Variants in NDUFAF6 observed in about 807,000 individuals in gnomAD.
NDUFAF6 encodes NADH dehydrogenase (ubiquinone) complex I, assembly factor 6.
A neutral mutation model predicts 40.8 loss-of-function variants in NDUFAF6; 45 were observed. That is an observed-to-expected ratio of 1.10 (90% CI 0.87 to 1.42). NDUFAF6 has a LOEUF of 1.42. NDUFAF6 is among the 40% of genes most tolerant of loss of function. NDUFAF6 has a pLI of 0.00. For synonymous variants in NDUFAF6, 185 were observed against 155.9 expected, an observed-to-expected ratio of 1.19 and a Z score of -1.39; for missense variants, 435 against 418.5, an observed-to-expected ratio of 1.04 and a Z score of -0.34.
intron 2 of NDUFAF6, among the ~76,000 whole-genome samples, chr8:95,102,578 A>G (rs190929936): frequency 1.3e-5 from 2 of 152,286 alleles, no homozygotes; most frequent in Non-Finnish European, 2.9e-5. Context: ...CTAGAAATCT[A>G]TTCCCTGGAA....
At chr8:95,101,962 T>C (rs1809663104) in intron 2 of NDUFAF6, among the ~76,000 whole-genome samples, 1 of 151,770 alleles carries the variant, frequency 6.6e-6, no homozygotes, top group African/African-American at 2.4e-5. Context: ...ACGTGATCAT[T>C]TGAACATTAG....
chr8:95,017,099 ATTTTTT>A (rs781650429), intron 2 of NDUFAF6, among the ~76,000 whole-genome samples: 3 of 111,884 alleles, frequency 2.7e-5, no homozygotes, highest in African/African-American at 1.1e-4. Context: ...TGCCCAGCTA[ATTTTTT>A]TTTTTTTTTT....
chr8:95,088,532 G>A (rs959034819), intron 2 of NDUFAF6, among the ~76,000 whole-genome samples: 9 of 152,000 alleles, frequency 5.9e-5, no homozygotes, highest in Non-Finnish European at 1.3e-4. Context: ...CAACAGGATG[G>A]GTCTACAGGA....
At chr8:94,951,570 C>G (rs527234) in intron 2 of NDUFAF6, among the ~76,000 whole-genome samples, 50,425 of 152,066 alleles carry the variant, frequency 0.33, 9,043 homozygotes, top group Non-Finnish European at 0.41. Context: ...AATCTTCCCA[C>G]CTGGTGCTTG....
chr8:94,964,529 G>A (rs186889058), intron 1 of NDUFAF6, among the ~76,000 whole-genome samples: 14 of 152,066 alleles, frequency 9.2e-5, no homozygotes, highest in Non-Finnish European at 1.6e-4. Flanking sequence ...TAAGAAGCAC[G>A]GCACCAACAT....
intron 1 of NDUFAF6, chr8:94,940,094 C>G (rs368791601): frequency 2.5e-6 from 4 of 1,614,104 alleles, no homozygotes; most frequent in Middle Eastern, 1.6e-4. Context: ...GCAGGAATCA[C>G]TTGTATCAGC....
chr8:95,078,662 A>AAATATATATATATATATATATATATATAT (rs545018367), downstream of NDUFAF6: 1 of 121,042 alleles, frequency 8.3e-6, no homozygotes, highest in African/African-American at 3.3e-5. Context: ...AAAAAAAAAA[A>AAATATATATATATATATATATATATATAT]ATATATATAT....
chr8:94,972,154 C>A (rs1050223017), intron 1 of NDUFAF6, among the ~76,000 whole-genome samples: 3 of 152,218 alleles, frequency 2.0e-5, no homozygotes, highest in African/African-American at 7.2e-5. Context: ...AAGCTACTTT[C>A]TGAAAAGTCC....
chr8:95,031,085 C>G (rs1828777036), intron 1 of NDUFAF6, among the ~76,000 whole-genome samples: 1 of 152,198 alleles, frequency 6.6e-6, no homozygotes, highest in African/African-American at 2.4e-5. Flanking sequence ...GGCCCCACCT[C>G]CAACATTGTG....
At chr8:94,911,094 A>G (rs779927005) in intron 1 of NDUFAF6, among the ~76,000 whole-genome samples, 1 of 152,204 alleles carries the variant, frequency 6.6e-6, no homozygotes, top group Non-Finnish European at 1.5e-5. Flanking sequence ...GCAAGATGCC[A>G]CCTCAGCTAT....
chr8:94,941,015 CCAATGGTACCGA>C lies in NDUFAF6; in HGVS notation c.-935-4465_-935-4454del, dbSNP rs1821476477. 3 of 1,102,146 alleles carry C rather than the reference CCAATGGTACCGA, an allele frequency of 2.7e-6. No homozygotes were observed. In the East Asian group the frequency reaches 7.2e-5, roughly 26 times the overall value. The allele number at this position is 1,102,146 out of a possible 1,614,324, so 68.3% of individuals were successfully genotyped here. On this transcript the variant is annotated intron_variant, in intron 1 of 14. Transcript: ENST00000396113. ...TTTCAAAACCTTGTCTTTAGTTGGC[CCAATGGTACCGA>C]CAGGAGATTAAAGTGCACAGGGTGC...
At chr8:95,088,717 GTGTGTGTGTGTTTTCTTTT>G (rs1278717547) in intron 2 of NDUFAF6, among the ~76,000 whole-genome samples, 85 of 101,276 alleles carry the variant, frequency 8.4e-4, no homozygotes, top group African/African-American at 3.1e-3. Flanking sequence ...GTGTGTGTGT[GTGTGTGTGTGTTTTCTTTT>G]TGTTTTCTTG....
chr8:95,063,362 A>G (rs1379521464), downstream of NDUFAF6, among the ~76,000 whole-genome samples: 2 of 152,152 alleles, frequency 1.3e-5, no homozygotes, highest in African/African-American at 4.8e-5. Flanking sequence ...ACACTTTGGG[A>G]GCCCGAGGTG....
intron 7 of NDUFAF6, among the ~76,000 whole-genome samples, chr8:95,050,636 C>A (rs1194617650): frequency 6.6e-6 from 1 of 152,116 alleles, no homozygotes; most frequent in African/African-American, 2.4e-5. Flanking sequence ...TAGTTTTCAT[C>A]ATCATCATCA....
intron 1 of NDUFAF6, among the ~76,000 whole-genome samples, chr8:95,027,001 G>A: frequency 6.6e-6 from 1 of 152,136 alleles, no homozygotes; most frequent in Non-Finnish European, 1.5e-5. Flanking sequence ...AGCCGAGTTT[G>A]CTCCATTGCA....
intron 1 of NDUFAF6, among the ~76,000 whole-genome samples, chr8:94,918,935 C>T (rs1819316954): frequency 6.6e-6 from 1 of 152,052 alleles, no homozygotes. Context: ...ACCTTTAGGC[C>T]ACGGTGTATT....
At chr8:94,984,961 C>A (rs774194250) in intron 2 of NDUFAF6, among the ~76,000 whole-genome samples, 6 of 152,050 alleles carry the variant, frequency 3.9e-5, no homozygotes, top group Non-Finnish European at 7.4e-5. Flanking sequence ...GATTGCCAAC[C>A]TAAGAGCCAT....
intron 1 of NDUFAF6, among the ~76,000 whole-genome samples, chr8:94,900,373 C>T (rs1368219734): frequency 6.6e-6 from 1 of 152,144 alleles, no homozygotes; most frequent in African/African-American, 2.4e-5. Flanking sequence ...GCACTGCCCT[C>T]TGCTCCTGAG....
chr8:94,916,816 C>CA (rs549687775), intron 1 of NDUFAF6, among the ~76,000 whole-genome samples: 64,089 of 96,210 alleles, frequency 0.67, 20,494 homozygotes, highest in East Asian at 0.78. Flanking sequence ...GACTCCATAT[C>CA]AAAAAAAAAA....
Sources: allele counts gnomAD v4.1 joint callset (sites outside exome capture counted in the v4.1 genomes callset), GRCh38; gene constraint gnomAD v4.1.1; transcripts MANE v1.5; gene names NCBI Gene and HGNC (gene_info 2026-07-23, HGNC 2026-07-21).